The following PREX1 variants were observed in gnomAD, a reference collection of about 807,000 sequenced individuals.
PREX1 encodes phosphatidylinositol-3,4,5-trisphosphate dependent Rac exchange factor 1, also known as phosphatidylinositol 3,4,5-trisphosphate-dependent Rac exchanger 1 protein.
Under a neutral mutation model 198.3 loss-of-function variants are expected in PREX1, and 41 were observed. That is an observed-to-expected ratio of 0.21 (90% CI 0.16 to 0.27). The LOEUF (loss-of-function observed/expected upper bound fraction) is 0.27, where lower values mean the gene tolerates loss of function less well. Among genes scored for constraint, PREX1 ranks in the 10% least tolerant of loss-of-function variants. The pLI is 1.00. For missense variants in PREX1, 1,620 were observed against 2,200.7 expected (o/e 0.74, Z 5.28); for synonymous variants, 843 against 887.2 (o/e 0.95, Z 0.89).
intron 1 of PREX1, among the ~76,000 whole-genome samples, chr20:48,808,348 G>A (rs2090421195): frequency 6.6e-6 from 1 of 152,140 alleles, no homozygotes; most frequent in African/African-American, 2.4e-5. Flanking sequence ...CATCAGCGAG[G>A]TCACATCATT....
In PREX1 at chr20:48,679,452, C is replaced by T. The variant is rs1241975243; in HGVS notation, c.1540-43G>A. On this transcript the variant is annotated intron_variant, in intron 12 of 39. Transcript: ENST00000371941. Reference sequence around the variant, plus strand: ...AGGAATTCTGGGATCAGGCCACATCCTTCACGAGCCTCCAAATCCAGGCTG... The same window carrying T: ...AGGAATTCTGGGATCAGGCCACATCTTTCACGAGCCTCCAAATCCAGGCTG... 5.1e-6 allele frequency: 8 copies of T among 1,584,006 alleles called. No homozygotes were observed. The Admixed American group carries it at 6.7e-5, about 13-fold the overall frequency.
chr20:48,682,290 A>G (rs902484779), intron 10 of PREX1, among the ~76,000 whole-genome samples: 1 of 152,138 alleles, frequency 6.6e-6, no homozygotes, highest in Non-Finnish European at 1.5e-5. Context: ...TCACCTCCTC[A>G]GAGAAGCCTT....
the PREX1 span, among the ~76,000 whole-genome samples, chr20:48,850,464 G>A: frequency 7.2e-5 from 11 of 152,226 alleles, no homozygotes; most frequent in East Asian, 1.9e-4. Flanking sequence ...TGGGAGAAAC[G>A]CTGGGGCAGA....
In PREX1 at chr20:48,625,577, G is replaced by T. The variant is rs2089264149; in HGVS notation, c.*308C>A. On this transcript the variant is annotated 3_prime_UTR_variant, in exon 40 of 40. Transcript: ENST00000371941. ...TGTGGCCTCCATGACGTTCCCTTGGGTTCTGGGGACGCAGGAGCCGAAGGC... is the reference window on the plus strand; with the variant it reads ...TGTGGCCTCCATGACGTTCCCTTGGTTTCTGGGGACGCAGGAGCCGAAGGC... 1 of 348,678 alleles carries T rather than the reference G, an allele frequency of 2.9e-6. No individual in the cohort carries two copies. Among genetic ancestry groups the T allele is most frequent in the South Asian group, 6.0e-5 (1 of 16,694 alleles). 21.6% of individuals were successfully genotyped at this position (348,678 alleles called of 1,614,324 possible).
intron 1 of PREX1, among the ~76,000 whole-genome samples, chr20:48,801,150 G>A (rs546328236): frequency 5.1e-4 from 78 of 152,310 alleles, no homozygotes; most frequent in Middle Eastern, 3.4e-3. Flanking sequence ...GGTCTAGCTC[G>A]TGTGAAGAAC....
At chr20:48,754,859 A>T (rs1012373646) in intron 1 of PREX1, among the ~76,000 whole-genome samples, 1 of 152,124 alleles carries the variant, frequency 6.6e-6, no homozygotes, top group African/African-American at 2.4e-5. Flanking sequence ...TAAAATCGCT[A>T]TAACAGCAGA....
chr20:48,816,806 G>A (rs1230111265), intron 1 of PREX1, among the ~76,000 whole-genome samples: 4 of 149,426 alleles, frequency 2.7e-5, no homozygotes, highest in South Asian at 2.1e-4. Flanking sequence ...ATCACAGCCC[G>A]GGTCAACACC....
At chr20:48,884,105 C>G in the PREX1 span, among the ~76,000 whole-genome samples, 14 of 149,640 alleles carry the variant, frequency 9.4e-5, no homozygotes, top group Non-Finnish European at 1.6e-4. Flanking sequence ...CACCACTGCA[C>G]TCCAGCCTGG....
intron 1 of PREX1, among the ~76,000 whole-genome samples, chr20:48,777,102 G>A (rs1033026102): frequency 1.3e-5 from 2 of 152,148 alleles, no homozygotes; most frequent in African/African-American, 4.8e-5. Flanking sequence ...ACTGGGAAGT[G>A]AGCTAACGTT....
At chr20:48,642,550 G>T in intron 27 of PREX1, 61 bp from the exon 28 acceptor site, 1 of 1,423,320 alleles carries the variant, frequency 7.0e-7, no homozygotes, top group Non-Finnish European at 9.7e-7. Flanking sequence ...ACCATCCCCA[G>T]CACTTTCCTA....
chr20:48,663,612 T>G (rs1045302007), intron 15 of PREX1, among the ~76,000 whole-genome samples: 1 of 152,276 alleles, frequency 6.6e-6, no homozygotes, highest in Admixed American at 6.5e-5. Context: ...ACATACTCTC[T>G]ATAGCTGCTT....
Position 48,640,039 on chromosome 20 carries a change from G to A in PREX1, c.3776-145C>T, listed in dbSNP as rs1393681068. On this transcript the variant is annotated intron_variant, in intron 29 of 39. Coordinates refer to ENST00000371941, the MANE Select transcript of PREX1 (RefSeq NM_020820.4). ...CTGGCAGGACTCCTGGGCATTATCG[G>A]GTCCACAGAGGGTAAGTGTGCTATT... The A allele has an allele frequency of 8.2e-6, 9 of 1,100,408 alleles. No individual in the cohort carries two copies. The East Asian group carries it at 2.2e-4, about 27-fold the overall frequency. 68.2% of individuals were successfully genotyped at this position (1,100,408 alleles called of 1,614,324 possible).
At chr20:48,747,461 C>CG (rs1190085397) in intron 2 of PREX1, among the ~76,000 whole-genome samples, 1 of 152,210 alleles carries the variant, frequency 6.6e-6, no homozygotes, top group Non-Finnish European at 1.5e-5. Context: ...GCCCGGCTCC[C>CG]GGGGGCACTT....
chr20:48,663,815 G>A (rs1208290076), intron 15 of PREX1, among the ~76,000 whole-genome samples: 4 of 152,064 alleles, frequency 2.6e-5, no homozygotes, highest in Non-Finnish European at 5.9e-5. Context: ...CCTTCCCCTG[G>A]ACTATCATGA....
the PREX1 span, among the ~76,000 whole-genome samples, chr20:48,853,008 G>T: frequency 6.6e-6 from 1 of 152,254 alleles, no homozygotes; most frequent in East Asian, 1.9e-4. Flanking sequence ...ACTTGTAAAT[G>T]CACAGAATTG....
chr20:48,627,951 G>A lies in PREX1; in HGVS notation c.4779C>T (p.Ser1593=), dbSNP rs751449904. The part of the protein sequence containing the change: ...CGTGMQRSTL[S]VSLEQAAILA... ...AGATGGCCGCCTGCTCCAGGGACAC[G>A]CTCAGGGTGCTCCTGCAGCAGGGGA... Residue 1593 remains serine (S), a synonymous_variant, in exon 38 of 40, where the codon AGC becomes AGT. Transcript: ENST00000371941. 4.3e-6 allele frequency: 7 copies of A among 1,610,104 alleles called. No individual in the cohort carries two copies. Among genetic ancestry groups the A allele is most frequent in the Admixed American group, 3.3e-5 (2 of 59,884 alleles).
At chr20:48,870,035 T>C in the PREX1 span, among the ~76,000 whole-genome samples, 5 of 152,262 alleles carry the variant, frequency 3.3e-5, no homozygotes, top group East Asian at 9.6e-4. Context: ...AAATAAACAA[T>C]GCTGCCTGAA....
intron 38 of PREX1, 94 bp from the exon 39 acceptor site, chr20:48,627,709 G>A (rs897376844): frequency 4.8e-6 from 7 of 1,471,570 alleles, no homozygotes; most frequent in Non-Finnish European, 5.7e-6. Flanking sequence ...GAAGCCCAAG[G>A]ACCCAGAAGC....
chr20:48,648,471 A>G (rs2089467554), intron 25 of PREX1, among the ~76,000 whole-genome samples: 1 of 152,162 alleles, frequency 6.6e-6, no homozygotes, highest in Non-Finnish European at 1.5e-5. Flanking sequence ...CCCAACAAGG[A>G]ATAATCCAGC....
Sources: gnomAD v4.1 joint callset for allele counts (sites outside exome capture counted in the v4.1 genomes callset) on GRCh38, gnomAD v4.1.1 for gene constraint, MANE v1.5 for transcripts, NCBI Gene and HGNC (gene_info 2026-07-23, HGNC 2026-07-21) for gene names.